RARB: variants seen among roughly 807,000 people sequenced by gnomAD.
RARB encodes the protein retinoic acid receptor beta.
Under a neutral mutation model 51.9 loss-of-function variants are expected in RARB, and 17 were observed. The observed-to-expected ratio is 0.33, with a 90% CI of 0.22 to 0.49. The LOEUF is 0.49. Among genes scored for constraint, RARB ranks in the 20% least tolerant of loss-of-function variants. The probability of loss-of-function intolerance (pLI) is 0.99; values close to 1 mark genes in which losing one functional copy is unlikely to be tolerated. For synonymous variants in RARB, 215 were observed against 195.4 expected (o/e 1.10, Z -0.84); for missense variants, 369 against 550.8 (o/e 0.67, Z 3.30).
At chr3:25,565,530 A>G (rs1185027653) in intron 3 of RARB, among the ~76,000 whole-genome samples, 2 of 152,174 alleles carry the variant, frequency 1.3e-5, no homozygotes, top group African/African-American at 4.8e-5. Flanking sequence ...AGCAACAACC[A>G]TCCTGTTTTG....
chr3:25,484,661 A>G (rs938603092), intron 2 of RARB, among the ~76,000 whole-genome samples: 1 of 152,114 alleles, frequency 6.6e-6, no homozygotes, highest in Non-Finnish European at 1.5e-5. Flanking sequence ...CAGCCAATCC[A>G]TTCATTTCTG....
intron 5 of RARB, among the ~76,000 whole-genome samples, chr3:25,188,252 C>T (rs994090552): frequency 3.3e-5 from 5 of 152,098 alleles, no homozygotes; most frequent in Non-Finnish European, 4.4e-5. Flanking sequence ...TCTTGCTCAT[C>T]ATTGAATACT....
At chr3:24,873,460 T>C (rs1702983737) in intron 2 of RARB, among the ~76,000 whole-genome samples, 1 of 152,094 alleles carries the variant, frequency 6.6e-6, no homozygotes, top group Non-Finnish European at 1.5e-5. Flanking sequence ...AACATTAATA[T>C]ATTATTCCAT....
chr3:25,020,927 C>T (rs1697623410), intron 2 of RARB, among the ~76,000 whole-genome samples: 2 of 152,134 alleles, frequency 1.3e-5, no homozygotes, highest in South Asian at 4.1e-4. Flanking sequence ...CGAGATCGTG[C>T]CACTGCACTC....
At chr3:25,305,509 A>C (rs772785948) in intron 5 of RARB, among the ~76,000 whole-genome samples, 5 of 152,210 alleles carry the variant, frequency 3.3e-5, no homozygotes, top group Non-Finnish European at 5.9e-5. Context: ...GCTGTACCAC[A>C]AGCAACAGGC....
At chr3:25,480,829 C>T (rs1054335710) in intron 2 of RARB, among the ~76,000 whole-genome samples, 3 of 152,066 alleles carry the variant, frequency 2.0e-5, no homozygotes, top group African/African-American at 7.2e-5. Flanking sequence ...TAGCTGTCTT[C>T]TAATTCTTTG....
At chr3:24,848,208 C>T (rs1016486327) in intron 1 of RARB, among the ~76,000 whole-genome samples, 3 of 152,108 alleles carry the variant, frequency 2.0e-5, no homozygotes, top group East Asian at 1.9e-4. Context: ...CACAGGCAAG[C>T]GCCACCTTGC....
chr3:25,045,391 G>C (rs1402368003), intron 2 of RARB, among the ~76,000 whole-genome samples: 4 of 152,184 alleles, frequency 2.6e-5, no homozygotes, highest in Non-Finnish European at 5.9e-5. Flanking sequence ...TTCCGAGAGA[G>C]AAAGCGAGGT....
At chr3:25,263,413 T>C (rs555189832) in intron 5 of RARB, among the ~76,000 whole-genome samples, 3 of 152,272 alleles carry the variant, frequency 2.0e-5, no homozygotes, top group African/African-American at 7.2e-5. Context: ...AGTTAACTAG[T>C]CTATTTTGCC....
intron 2 of RARB, among the ~76,000 whole-genome samples, chr3:25,021,668 C>T (rs913494568): frequency 2.6e-5 from 4 of 151,848 alleles, no homozygotes; most frequent in Non-Finnish European, 4.4e-5. Flanking sequence ...AAAAAATACC[C>T]AATCCATTTA....
intron 5 of RARB, among the ~76,000 whole-genome samples, chr3:25,329,615 G>T (rs1346083277): frequency 1.3e-5 from 2 of 152,182 alleles, no homozygotes; most frequent in Non-Finnish European, 2.9e-5. Context: ...TCCTCCAAAG[G>T]AATGCAGCTG....
At chr3:25,297,471 G>T (rs1299029312) in intron 5 of RARB, among the ~76,000 whole-genome samples, 1 of 126,644 alleles carries the variant, frequency 7.9e-6, no homozygotes, top group Non-Finnish European at 1.6e-5. Context: ...GATTTAGACT[G>T]GTCAAAGGTA....
At chr3:25,417,413 G>A (rs975222054) in intron 5 of RARB, among the ~76,000 whole-genome samples, 5 of 152,132 alleles carry the variant, frequency 3.3e-5, no homozygotes, top group Non-Finnish European at 7.3e-5. Context: ...CACACATGGC[G>A]GGAGGGACCT....
chr3:25,342,788 CAG>C (rs1395423945), intron 5 of RARB, among the ~76,000 whole-genome samples: 3 of 152,076 alleles, frequency 2.0e-5, no homozygotes, highest in African/African-American at 4.8e-5. Flanking sequence ...AAAGCAGAAA[CAG>C]AGACGGTAGG....
chr3:25,172,683 C>T (rs908522219), intron 4 of RARB, among the ~76,000 whole-genome samples: 2 of 152,180 alleles, frequency 1.3e-5, no homozygotes, highest in Non-Finnish European at 2.9e-5. Flanking sequence ...CCTGCCCTAA[C>T]CCCAAAACCT....
chr3:25,244,446 T>C (rs1702507611), intron 5 of RARB, among the ~76,000 whole-genome samples: 1 of 152,188 alleles, frequency 6.6e-6, no homozygotes, highest in African/African-American at 2.4e-5. Flanking sequence ...CCTGTGGGTA[T>C]TTAGTGTTAC....
At chr3:25,581,595 G>T (rs963362587) in intron 5 of RARB, among the ~76,000 whole-genome samples, 1 of 152,160 alleles carries the variant, frequency 6.6e-6, no homozygotes, top group Non-Finnish European at 1.5e-5. Flanking sequence ...CCACAGACGT[G>T]CTATGACTGA....
At chr3:25,074,884 T>C (rs1698841134) in intron 3 of RARB, among the ~76,000 whole-genome samples, 1 of 152,208 alleles carries the variant, frequency 6.6e-6, no homozygotes, top group Admixed American at 6.5e-5. Flanking sequence ...CAGTGACTTG[T>C]ACGTATTTGG....
chr3:25,340,754 C>G (rs1409937904), intron 5 of RARB, among the ~76,000 whole-genome samples: 1 of 152,148 alleles, frequency 6.6e-6, no homozygotes, highest in Non-Finnish European at 1.5e-5. Context: ...GGAAGTAGGT[C>G]AAAGCCTGGC....
Sources: allele counts gnomAD v4.1 joint callset (sites outside exome capture counted in the v4.1 genomes callset), GRCh38; gene constraint gnomAD v4.1.1; transcripts MANE v1.5; gene names NCBI Gene and HGNC (gene_info 2026-07-23, HGNC 2026-07-21).